SCN11A: variants seen among roughly 807,000 people sequenced by gnomAD.
SCN11A encodes the protein sodium voltage-gated channel alpha subunit 11.
SCN11A carries 122 observed loss-of-function variants against 162.2 expected under a neutral mutation model. The ratio of observed to expected loss-of-function variants is 0.75; its 90% CI spans 0.65 to 0.87. SCN11A has a LOEUF of 0.87. Ranked by LOEUF, SCN11A falls within the 40% of genes least tolerant of loss-of-function variation. The pLI, the probability that SCN11A is intolerant of heterozygous loss-of-function variation, is 0.00. For synonymous variants in SCN11A, 758 were observed against 751.5 expected, an observed-to-expected ratio of 1.01 and a Z score of -0.14; for missense variants, 2,015 against 2,181.6, an observed-to-expected ratio of 0.92 and a Z score of 1.52.
At chr3:38,871,398 C>A in intron 25 of SCN11A, 47 bp downstream of exon 25, 1 of 1,512,444 alleles carries the variant, frequency 6.6e-7, no homozygotes, top group Non-Finnish European at 8.9e-7. Context: ...TCATGATTCT[C>A]TGAAGGTTTT....
intron 2 of SCN11A, among the ~76,000 whole-genome samples, chr3:39,022,679 T>C (rs1358383370): frequency 6.6e-6 from 1 of 152,070 alleles, no homozygotes; most frequent in East Asian, 1.9e-4. Flanking sequence ...TCCAGGAGTT[T>C]GAGACCAGCC....
chr3:38,994,731 G>T (rs1182215210), intron 2 of SCN11A, among the ~76,000 whole-genome samples: 1 of 152,132 alleles, frequency 6.6e-6, no homozygotes, highest in Non-Finnish European at 1.5e-5. Context: ...TGGACGAAGT[G>T]GGAGGCAAAG....
At chr3:38,995,271 C>T (rs2030590524) in intron 2 of SCN11A, among the ~76,000 whole-genome samples, 2 of 152,044 alleles carry the variant, frequency 1.3e-5, no homozygotes, top group Non-Finnish European at 2.9e-5. Context: ...CAGGCACCCA[C>T]CACCATGCCC....
intron 1 of SCN11A, among the ~76,000 whole-genome samples, chr3:39,041,326 A>T (rs753481643): frequency 6.6e-6 from 1 of 152,222 alleles, no homozygotes; most frequent in African/African-American, 2.4e-5. Flanking sequence ...CTTTGGAGAC[A>T]TATGGACATT....
intron 9 of SCN11A, among the ~76,000 whole-genome samples, chr3:38,925,122 C>T (rs534849516): frequency 1.3e-5 from 2 of 152,132 alleles, no homozygotes; most frequent in African/African-American, 2.4e-5. Context: ...TGCTCACATG[C>T]TACATAATGT....
At chr3:38,974,755 T>C (rs186900148) in intron 2 of SCN11A, among the ~76,000 whole-genome samples, 260 of 148,524 alleles carry the variant, frequency 1.8e-3, no homozygotes, top group African/African-American at 5.5e-3. Context: ...TCAAGTCTAA[T>C]TGAATTTCTA....
intron 11 of SCN11A, among the ~76,000 whole-genome samples, chr3:38,918,572 T>A (rs929344110): frequency 3.3e-5 from 5 of 152,220 alleles, no homozygotes; most frequent in Non-Finnish European, 5.9e-5. Context: ...TTATCTTCCA[T>A]GAAATCAGTC....
chr3:38,862,990 CA>C (rs2064988248), intron 28 of SCN11A, among the ~76,000 whole-genome samples: 1 of 152,128 alleles, frequency 6.6e-6, no homozygotes. Flanking sequence ...CTGGCTCACT[CA>C]AAAATAAATT....
intron 2 of SCN11A, among the ~76,000 whole-genome samples, chr3:38,976,732 T>C (rs553204297): frequency 2.0e-5 from 3 of 152,234 alleles, no homozygotes; most frequent in South Asian, 4.2e-4. Flanking sequence ...TATAATCTCA[T>C]TGGCTTCTCC....
At position 38,933,090 on chromosome 3, in the gene SCN11A, C is replaced by T. The variant is rs534289992; in HGVS notation, c.489-6159G>A. On this transcript the variant is annotated intron_variant, in intron 7 of 29. Transcript: ENST00000302328. ...CAAAAATCCGCTGTTCTGCAGCCAC[C>T]GCTGCTGGTACCCAGGCAAACAGGG... 3.0e-3 allele frequency among the ~76,000 whole-genome samples: 453 copies of T among 152,044 alleles called. 1 individual carries two copies. The highest frequency in any genetic ancestry group is 0.01 in the African/African-American group (434 of 41,346).
intron 9 of SCN11A, among the ~76,000 whole-genome samples, chr3:38,922,303 T>A (rs985642062): frequency 6.6e-6 from 1 of 152,178 alleles, no homozygotes; most frequent in South Asian, 2.1e-4. Flanking sequence ...ACTTACTATA[T>A]CACCAATTGA....
chr3:39,000,502 G>T (rs1294170409), intron 2 of SCN11A, among the ~76,000 whole-genome samples: 1 of 152,068 alleles, frequency 6.6e-6, no homozygotes, highest in African/African-American at 2.4e-5. Flanking sequence ...CCCTCTAGAA[G>T]GGCGTTCTCA....
chr3:39,028,292 G>T (rs999646933), intron 2 of SCN11A, among the ~76,000 whole-genome samples: 6 of 152,176 alleles, frequency 3.9e-5, no homozygotes, highest in Non-Finnish European at 7.4e-5. Context: ...TGGCGGAGAA[G>T]GGATAGAGTT....
chr3:39,044,905 ACTAG>A (rs921068906), intron 1 of SCN11A, among the ~76,000 whole-genome samples: 8 of 151,314 alleles, frequency 5.3e-5, no homozygotes, highest in African/African-American at 1.9e-4. Context: ...TCCACAAACC[ACTAG>A]CTAGAGTAAT....
At chr3:38,905,002 G>A (rs2065769803) in intron 15 of SCN11A, among the ~76,000 whole-genome samples, 190 bp downstream of exon 15, 1 of 152,198 alleles carries the variant, frequency 6.6e-6, no homozygotes, top group African/African-American at 2.4e-5. Flanking sequence ...CACAGGGAAG[G>A]TCTGCTTCTT....
At chr3:38,924,814 T>A (rs1267074591) in intron 9 of SCN11A, among the ~76,000 whole-genome samples, 5 of 151,984 alleles carry the variant, frequency 3.3e-5, no homozygotes. Flanking sequence ...CGGCCCCCCC[T>A]TCACTTCTAT....
chr3:38,894,870 T>A lies in SCN11A; in HGVS notation c.2498A>T (p.Gln833Leu). The change falls in exon 19 of 30, where the codon CAG becomes CTG. Residue 833 changes from glutamine to leucine, a missense_variant. Physicochemically the swap from Gln to Leu is moderately radical, Grantham distance 113 (BLOSUM62 -2). Coordinates refer to ENST00000302328, the MANE Select transcript of SCN11A (RefSeq NM_001349253.2). ...LEGEARKTKVQLALDRFRRAF... is the reference protein window; with the variant it reads ...LEGEARKTKVLLALDRFRRAF... ...CCGGCGGAATCGATCCAGTGCTAAC[T>A]GGACTTTAGTTTTCCTGGCCTCTCC... 6.2e-7 allele frequency: 1 copy of A among 1,614,218 alleles called. No individual in the cohort carries two copies. The highest frequency in any genetic ancestry group is 8.5e-7 in the Non-Finnish European group (1 of 1,180,034).
At chr3:38,877,776 G>A (rs1575235315) in intron 23 of SCN11A, among the ~76,000 whole-genome samples, 2 of 141,830 alleles carry the variant, frequency 1.4e-5, no homozygotes, top group East Asian at 4.3e-4. Flanking sequence ...TATATATGGT[G>A]TATATACCAT....
intron 19 of SCN11A, among the ~76,000 whole-genome samples, chr3:38,889,269 T>C (rs2065453840): frequency 6.6e-6 from 1 of 151,538 alleles, no homozygotes; most frequent in African/African-American, 2.4e-5. Context: ...CTACTAAAAA[T>C]ACCAAATTAG....
Sources: gnomAD v4.1 joint callset for allele counts (sites outside exome capture counted in the v4.1 genomes callset) on GRCh38, gnomAD v4.1.1 for gene constraint, MANE v1.5 for transcripts, NCBI Gene and HGNC (gene_info 2026-07-23, HGNC 2026-07-21) for gene names.